EPHB6: variants seen among roughly 807,000 people sequenced by gnomAD.
The protein encoded by EPHB6 is ephrin type-B receptor 6.
In EPHB6, 51 loss-of-function variants were observed where a neutral mutation model predicts 107.0. The observed-to-expected ratio is 0.48, with a 90% CI of 0.38 to 0.60. The LOEUF (loss-of-function observed/expected upper bound fraction) is 0.60, where lower values mean the gene tolerates loss of function less well. Ranked by LOEUF, EPHB6 falls within the 20% of genes least tolerant of loss-of-function variation. EPHB6 has a pLI of 0.00. For missense variants in EPHB6, 1,141 were observed against 1,355.5 expected (o/e 0.84, Z 2.48); for synonymous variants, 553 against 549.0 (o/e 1.01, Z -0.10).
chr7:142,863,247 C>A lies in EPHB6; in HGVS notation c.20C>A (p.Ala7Asp), dbSNP rs1802931128. MATEGA[A>D]QLGNRVAGMV... ...TGTCCCATGGCTACTGAAGGGGCTG[C>A]CCAGTTAGGGAACAGAGTGGCGGGC... The change falls in exon 5 of 20, where the codon GCC (alanine) becomes GAC (aspartate). Residue 7 changes from alanine (A) to aspartate (D), a missense_variant. By Grantham distance (126) the Ala-to-Asp change is moderately radical (BLOSUM62 -2). This residue lies in a region of EPHB6 where 221 missense variants were observed against 300.5 expected (regional missense o/e 0.74). Coordinates refer to ENST00000652003, the MANE Select transcript of EPHB6 (RefSeq NM_004445.6). 6.2e-7 allele frequency: 1 copy of A among 1,613,882 alleles called. No individual in the cohort carries two copies. Among genetic ancestry groups the A allele is most frequent in the South Asian group, 1.1e-5 (1 of 91,074 alleles).
At chr7:142,859,268 G>A (rs1035810736) in intron 1 of EPHB6, among the ~76,000 whole-genome samples, 1 of 152,172 alleles carries the variant, frequency 6.6e-6, no homozygotes, top group Non-Finnish European at 1.5e-5. Context: ...GCCTGTCCCT[G>A]GGATGCTCTC....
Position 142,865,949 on chromosome 7 carries a change from C to T in EPHB6, c.1106-11C>T, listed in dbSNP as rs202117616. ...TTGGCCCTTGGACTGCCATATCCTC[C>T]GGCCCCCCAGGTCCTCCATCGGCTC... On this transcript the variant is annotated splice_polypyrimidine_tract_variant and intron_variant, in intron 8 of 19. Transcript: ENST00000652003. 1.1e-4 allele frequency: 171 copies of T among 1,613,310 alleles called. 1 individual carries two copies. Among genetic ancestry groups the T allele is most frequent in the South Asian group, 1.0e-3 (94 of 91,070 alleles).
At position 142,864,887 on chromosome 7, in the gene EPHB6, T is replaced by C. The variant is rs1053268383; in HGVS notation, c.949+138T>C. ...CCATCTTAGGAAAGGACCCTGATTTTCCCTAATTTTATTTCTTAAAGCACT... is the reference window on the plus strand; with the variant it reads ...CCATCTTAGGAAAGGACCCTGATTTCCCCTAATTTTATTTCTTAAAGCACT... On this transcript the variant is annotated intron_variant, in intron 7 of 19. Transcript: ENST00000652003. 18 of 1,097,448 alleles carry C rather than the reference T, an allele frequency of 1.6e-5. No homozygotes were observed. In the East Asian group the frequency reaches 4.1e-4, roughly 25 times the overall value. The allele number at this position is 1,097,448 out of a possible 1,614,324, so 68.0% of individuals were successfully genotyped here.
chr7:142,858,684 G>A (rs1383383278), intron 1 of EPHB6, among the ~76,000 whole-genome samples: 4 of 147,186 alleles, frequency 2.7e-5, no homozygotes, highest in African/African-American at 1.0e-4. Context: ...CTGATCTTGT[G>A]ATCCGCCCAC....
rs930880906 is a variant in EPHB6, at chr7:142,866,863, G to A, written c.1588-43G>A. The A allele has an allele frequency of 1.9e-6, 3 of 1,613,728 alleles. No homozygotes were observed. The highest frequency in any genetic ancestry group is 2.7e-5 in the African/African-American group (2 of 74,878). On this transcript the variant is annotated intron_variant, in intron 10 of 19. Coordinates refer to ENST00000652003, the MANE Select transcript of EPHB6 (RefSeq NM_004445.6). This position sits in a 1 kb window ranked among gnomAD's most constrained non-coding sequence, Gnocchi z 5.2. ...GGGGGCCTTAGGGGCAGAAGCAGGG[G>A]CAAGAGGGGGCCAGGCAGGGAGTGA...
At chr7:142,865,205 AAGCTGGG>A (rs1266945659) in intron 7 of EPHB6, among the ~76,000 whole-genome samples, 1 of 152,200 alleles carries the variant, frequency 6.6e-6, no homozygotes, top group Non-Finnish European at 1.5e-5. Flanking sequence ...CTTATGCAAT[AAGCTGGG>A]AACACCCACA....
chr7:142,863,221 A>T lies in EPHB6; in HGVS notation c.-7A>T, dbSNP rs1397195405. 6.2e-7 allele frequency: 1 copy of T among 1,613,888 alleles called. No homozygotes were observed. The highest frequency in any genetic ancestry group is 1.3e-5 in the African/African-American group (1 of 75,016). The stretch of plus-strand genomic sequence containing the variant: ...TGGGGCGATGGTGGACGCCCTGAAG[A>T]TGTCCCATGGCTACTGAAGGGGCTG... On this transcript the variant is annotated 5_prime_UTR_variant, in exon 5 of 20. It removes an upstream start codon present in the reference 5' UTR. Transcript: ENST00000652003.
At position 142,864,056 on chromosome 7, in the gene EPHB6, C is replaced by A; in HGVS notation, c.256C>A (p.Gln86Lys). The change falls in exon 7 of 20, where the codon CAG (glutamine) becomes AAG (lysine). Residue 86 changes from glutamine (Q) to lysine (K), a missense_variant. Transcript: ENST00000652003. Reference protein sequence around the residue: ...HVAGAPPGTGQDNWLQTHFVE... With the variant: ...HVAGAPPGTGKDNWLQTHFVE... ...GGCAGGGGCCCCTCCAGGCACCGGGCAGGACAATTGGTTGCAGACACACTT... is the reference window on the plus strand; with the variant it reads ...GGCAGGGGCCCCTCCAGGCACCGGGAAGGACAATTGGTTGCAGACACACTT... The A allele has an allele frequency of 6.2e-7, 1 of 1,614,114 alleles. No individual in the cohort carries two copies. The highest frequency in any genetic ancestry group is 8.5e-7 in the Non-Finnish European group (1 of 1,180,032).
chr7:142,866,709 G>A lies in EPHB6; in HGVS notation c.1587+104G>A, dbSNP rs775509803. 2.1e-4 allele frequency: 336 copies of A among 1,600,528 alleles called. No individual in the cohort carries two copies. Among genetic ancestry groups the A allele is most frequent in the Non-Finnish European group, 2.5e-4 (291 of 1,172,180 alleles). On this transcript the variant is annotated intron_variant, in intron 10 of 19. Transcript: ENST00000652003. This position sits in a 1 kb window ranked among gnomAD's most constrained non-coding sequence, Gnocchi z 5.2. Reference sequence around the variant, plus strand: ...GGTGCACAGGAGGAATGAGGGGTCCGCAACAGGGCTGGCAGGAGCTCACAG... The same window carrying A: ...GGTGCACAGGAGGAATGAGGGGTCCACAACAGGGCTGGCAGGAGCTCACAG...
chr7:142,868,537 G>C lies in EPHB6; in HGVS notation c.2084G>C (p.Arg695Pro). 1 of 1,613,760 alleles carries C rather than the reference G, an allele frequency of 6.2e-7. No individual in the cohort carries two copies. Among genetic ancestry groups the C allele is most frequent in the Non-Finnish European group, 8.5e-7 (1 of 1,180,024 alleles). The change falls in exon 15 of 20, where the codon CGG (arginine) becomes CCG (proline). Residue 695 changes from arginine to proline, a missense_variant. Arg to Pro is a moderately radical substitution (Grantham distance 103). Around this residue, in one of 3 missense-constraint regions of EPHB6, gnomAD observed 616 missense variants for 759.3 expected, o/e 0.81. Coordinates refer to ENST00000652003, the MANE Select transcript of EPHB6 (RefSeq NM_004445.6). This position sits in a 1 kb window ranked among gnomAD's most constrained non-coding sequence, Gnocchi z 4.2. ...VRQGRLQPRG[R>P]REQTVAIQAL... The stretch of plus-strand genomic sequence containing the variant: ...CAGGGCCGCCTGCAGCCACGGGGAC[G>C]GAGGGAGCAGACTGTGGCCATCCAG...
At chr7:142,860,086 G>A (rs1172603984) in intron 1 of EPHB6, among the ~76,000 whole-genome samples, 5 of 152,268 alleles carry the variant, frequency 3.3e-5, no homozygotes, top group South Asian at 4.1e-4. Context: ...TATCTGCAGC[G>A]CATCTTTTCT....
In EPHB6 at chr7:142,866,299, T is replaced by G; in HGVS notation, c.1445T>G (p.Val482Gly). 6.2e-7 allele frequency: 1 copy of G among 1,613,950 alleles called. No individual in the cohort carries two copies. The highest frequency in any genetic ancestry group is 8.5e-7 in the Non-Finnish European group (1 of 1,179,988). The change falls in exon 9 of 20, where the codon GTC becomes GGC. Residue 482 changes from valine to glycine, a missense_variant. By Grantham distance (109) the Val-to-Gly change is moderately radical. Transcript: ENST00000652003. This position sits in a 1 kb window ranked among gnomAD's most constrained non-coding sequence, Gnocchi z 5.2. ...CCTCCTCAGGCTGCAGCCATCAATGTCAGCACCAGCCATGAAGGTGAGCTC... is the reference window on the plus strand; with the variant it reads ...CCTCCTCAGGCTGCAGCCATCAATGGCAGCACCAGCCATGAAGGTGAGCTC... ...PDPPQAAAIN[V>G]STSHEVPSAV...
At chr7:142,858,298 G>A (rs1418172564) in intron 1 of EPHB6, among the ~76,000 whole-genome samples, 2 of 151,940 alleles carry the variant, frequency 1.3e-5, no homozygotes, top group Non-Finnish European at 2.9e-5. Flanking sequence ...GTGGATTGAG[G>A]TGCATAAACT....
Position 142,870,924 on chromosome 7 carries a change from T to C in EPHB6, c.*20T>C. ...GTCTGAGAATGACGATACCCGTGAC[T>C]CAGCCCTGGACACTGGTCCGAGAAG... is the stretch of plus-strand genomic sequence containing the variant. On this transcript the variant is annotated 3_prime_UTR_variant, in exon 20 of 20. Coordinates refer to ENST00000652003, the MANE Select transcript of EPHB6 (RefSeq NM_004445.6). 7 of 1,605,170 alleles carry C rather than the reference T, an allele frequency of 4.4e-6. No individual in the cohort carries two copies. Among genetic ancestry groups the C allele is most frequent in the Non-Finnish European group, 5.9e-6 (7 of 1,176,706 alleles).
At position 142,863,683 on chromosome 7, in the gene EPHB6, C is replaced by T; in HGVS notation, c.153C>T (p.Tyr51=). 1 of 1,613,932 alleles carries T rather than the reference C, an allele frequency of 6.2e-7. No homozygotes were observed. Among genetic ancestry groups the T allele is most frequent in the Middle Eastern group, 1.6e-4 (1 of 6,062 alleles). ...GETSEIGWLT[Y]PPGGWDEVSV... ...CATCTGAGATTGGCTGGCTCACCTACCCACCAGGGGGGGTGAGTGCCACTC... is the reference window on the plus strand; with the variant it reads ...CATCTGAGATTGGCTGGCTCACCTATCCACCAGGGGGGGTGAGTGCCACTC... Residue 51 remains tyrosine (Y), a synonymous_variant, in exon 6 of 20, where the codon TAC becomes TAT. Transcript: ENST00000652003.
chr7:142,858,012 A>G (rs1350015350), intron 1 of EPHB6, among the ~76,000 whole-genome samples: 2 of 152,240 alleles, frequency 1.3e-5, no homozygotes, highest in Non-Finnish European at 2.9e-5. Context: ...GAGTGAATAA[A>G]ATGTAAACGT....
rs751082954 is a variant in EPHB6, at chr7:142,864,451, G to A, written c.651G>A (p.Thr217=). 6.2e-6 allele frequency: 10 copies of A among 1,612,530 alleles called. No individual in the cohort carries two copies. Among genetic ancestry groups the A allele is most frequent in the East Asian group, 2.2e-5 (1 of 44,884 alleles). ...QRGFYVAFQD[T]GACLALVAVR... is the part of the protein sequence containing the mutation. ...GCTTCTACGTGGCCTTCCAGGACACGGGGGCCTGCCTGGCCCTGGTCGCTG... is the reference window on the plus strand; with the variant it reads ...GCTTCTACGTGGCCTTCCAGGACACAGGGGCCTGCCTGGCCCTGGTCGCTG... The change falls in exon 7 of 20, where the codon ACG becomes ACA. Residue 217 remains threonine (T), a synonymous_variant. Transcript: ENST00000652003.
At position 142,867,019 on chromosome 7, in the gene EPHB6, C is replaced by T. The variant is rs1229960798; in HGVS notation, c.1701C>T (p.Ala567=). 1.1e-5 allele frequency: 18 copies of T among 1,613,874 alleles called. No homozygotes were observed. The highest frequency in any genetic ancestry group is 1.6e-4 in the Middle Eastern group (1 of 6,084). The change falls in exon 11 of 20, where the codon GCC becomes GCT. Residue 567 remains alanine (A), a synonymous_variant. Transcript: ENST00000652003. This position sits in a 1 kb window ranked among gnomAD's most constrained non-coding sequence, Gnocchi z 5.3. Reference sequence around the variant, plus strand: ...TCCAGGTGCGGGCCCGGACTGCTGCCGGCCACGGCCCCTACGGGGGCAAAG... The same window carrying T: ...TCCAGGTGCGGGCCCGGACTGCTGCTGGCCACGGCCCCTACGGGGGCAAAG... ...YGFQVRARTA[A]GHGPYGGKVY...
At position 142,868,944 on chromosome 7, in the gene EPHB6, T is replaced by C. The variant is rs556860056; in HGVS notation, c.2287-30T>C. 9 of 1,603,048 alleles carry C rather than the reference T, an allele frequency of 5.6e-6. No homozygotes were observed. The South Asian group carries it at 6.6e-5, about 12-fold the overall frequency. On this transcript the variant is annotated intron_variant, in intron 15 of 19. Transcript: ENST00000652003. The surrounding 1 kb of genome is among the most constrained non-coding windows in gnomAD (Gnocchi z 4.2). ...GAGGTCTCCCCCTGTCTCCGATCAC[T>C]GACCTCTGCCCCCTGCCCCTTCCCC... is the stretch of plus-strand genomic sequence containing the variant.
Sources: allele counts gnomAD v4.1 joint callset (sites outside exome capture counted in the v4.1 genomes callset), GRCh38; gene constraint gnomAD v4.1.1; regional missense constraint gnomAD v4.1.1; non-coding constraint Gnocchi (gnomAD v3.1); transcripts MANE v1.5; gene names NCBI Gene and HGNC (gene_info 2026-07-23, HGNC 2026-07-21).